The following SNX25 variants were observed in gnomAD, a reference collection of about 807,000 sequenced individuals.
The protein encoded by SNX25 is sorting nexin-25.
Under a neutral mutation model 113.7 loss-of-function variants are expected in SNX25, and 62 were observed. The observed-to-expected ratio is 0.55, with a 90% CI of 0.44 to 0.67. SNX25 has a LOEUF of 0.67. Among genes scored for constraint, SNX25 ranks in the 30% least tolerant of loss-of-function variants. SNX25 has a pLI of 0.00. For synonymous variants in SNX25, 421 were observed against 436.2 expected, an observed-to-expected ratio of 0.97 and a Z score of 0.43; for missense variants, 1,014 against 1,161.0, an observed-to-expected ratio of 0.87 and a Z score of 1.84.
chr4:185,207,959 T>C (rs72706064), upstream of SNX25, among the ~76,000 whole-genome samples: 19,456 of 152,134 alleles, frequency 0.13, 1,312 homozygotes, highest in African/African-American at 0.15. Context: ...TCAAAAAACA[T>C]AGATTTGGTT....
chr4:185,367,194 G>A (rs2095390958), downstream of SNX25: 17 of 1,612,360 alleles, frequency 1.1e-5, no homozygotes, highest in Non-Finnish European at 1.4e-5. Flanking sequence ...ATTCTTTGAC[G>A]AATAAGTAAG....
chr4:185,306,797 C>T (rs1000332702), intron 6 of SNX25, among the ~76,000 whole-genome samples: 1 of 152,206 alleles, frequency 6.6e-6, no homozygotes, highest in African/African-American at 2.4e-5. Context: ...TCCTTAGGTA[C>T]ACTCACAAAA....
intron 5 of SNX25, among the ~76,000 whole-genome samples, chr4:185,286,297 G>T (rs1306841805): frequency 6.6e-6 from 1 of 151,984 alleles, no homozygotes; most frequent in African/African-American, 2.4e-5. Flanking sequence ...TTAATTTTTT[G>T]TAGAGATGAG....
At chr4:185,223,506 T>C (rs1332143784) in intron 1 of SNX25, among the ~76,000 whole-genome samples, 1 of 152,160 alleles carries the variant, frequency 6.6e-6, no homozygotes, top group African/African-American at 2.4e-5. Flanking sequence ...TGGTGTGCTC[T>C]TAGAAGTCAC....
downstream of SNX25, among the ~76,000 whole-genome samples, chr4:185,367,605 G>A (rs942824964): frequency 6.6e-6 from 1 of 152,128 alleles, no homozygotes; most frequent in South Asian, 2.1e-4. Context: ...AACAGCATCT[G>A]TAAAATTTTA....
At chr4:185,243,597 A>G (rs987931630) in intron 1 of SNX25, among the ~76,000 whole-genome samples, 1 of 152,124 alleles carries the variant, frequency 6.6e-6, no homozygotes, top group African/African-American at 2.4e-5. Flanking sequence ...GTGAGACCCT[A>G]TCAAAAAACA....
intron 6 of SNX25, among the ~76,000 whole-genome samples, chr4:185,298,568 A>T (rs921715729): frequency 6.6e-6 from 1 of 152,052 alleles, no homozygotes; most frequent in Non-Finnish European, 1.5e-5. Flanking sequence ...GCTTGACATG[A>T]TCTACAAGGT....
intron 7 of SNX25, among the ~76,000 whole-genome samples, chr4:185,317,779 C>T (rs1452245662): frequency 1.3e-5 from 2 of 151,942 alleles, no homozygotes; most frequent in Non-Finnish European, 2.9e-5. Flanking sequence ...ACACTGGGGC[C>T]TGTCGGGGGG....
chr4:185,221,970 G>T (rs796901118), intron 1 of SNX25, among the ~76,000 whole-genome samples: 3 of 102,856 alleles, frequency 2.9e-5, no homozygotes, highest in African/African-American at 1.0e-4. Context: ...TTCACGGTAG[G>T]AATATAGCGC....
chr4:185,353,167 TAAA>T (rs1002227683), intron 14 of SNX25: 1 of 195,162 alleles, frequency 5.1e-6, no homozygotes, highest in Non-Finnish European at 1.0e-5. Flanking sequence ...GAGTGAAAAA[TAAA>T]AAATAAGTTA....
At chr4:185,285,913 C>T (rs1751279501) in intron 5 of SNX25, among the ~76,000 whole-genome samples, 1 of 151,716 alleles carries the variant, frequency 6.6e-6, no homozygotes, top group South Asian at 2.1e-4. Flanking sequence ...GCTGGTACTA[C>T]AGGTGTGCGC....
intron 5 of SNX25, among the ~76,000 whole-genome samples, chr4:185,273,798 T>G (rs922135408): frequency 2.0e-5 from 3 of 152,190 alleles, no homozygotes; most frequent in Non-Finnish European, 4.4e-5. Flanking sequence ...CACAGTGTCC[T>G]CCAGGTTCAT....
At chr4:185,247,453 C>A (rs1745020322) in intron 2 of SNX25, 75 bp downstream of exon 2, 1 of 1,131,948 alleles carries the variant, frequency 8.8e-7, no homozygotes, top group Non-Finnish European at 1.3e-6. Context: ...TAATAATCTC[C>A]AGCAAATTTA....
chr4:185,274,899 G>T (rs1014987648), intron 5 of SNX25, among the ~76,000 whole-genome samples: 2 of 152,158 alleles, frequency 1.3e-5, no homozygotes, highest in African/African-American at 2.4e-5. Flanking sequence ...ACTGAGGTCG[G>T]CCTGACTTCA....
At chr4:185,283,513 G>T (rs542638215) in intron 5 of SNX25, among the ~76,000 whole-genome samples, 1 of 152,332 alleles carries the variant, frequency 6.6e-6, no homozygotes, top group East Asian at 1.9e-4. Context: ...CAGTATGCAG[G>T]AGGGATATAG....
chr4:185,204,707 G>T (rs563913583), upstream of SNX25, among the ~76,000 whole-genome samples: 3 of 152,310 alleles, frequency 2.0e-5, no homozygotes, highest in Non-Finnish European at 4.4e-5. Flanking sequence ...GAATCACAAA[G>T]GTCCTTATAA....
intron 3 of SNX25, among the ~76,000 whole-genome samples, chr4:185,260,337 C>T (rs1472246080): frequency 6.6e-6 from 1 of 152,070 alleles, no homozygotes; most frequent in Non-Finnish European, 1.5e-5. Flanking sequence ...TTTCAAAGAG[C>T]TCATTTCTAT....
chr4:185,220,561 A>C (rs1041874580), intron 1 of SNX25, among the ~76,000 whole-genome samples: 16 of 148,958 alleles, frequency 1.1e-4, no homozygotes, highest in Non-Finnish European at 2.2e-4. Flanking sequence ...GGCTTACTAC[A>C]ACCTCTGCCT....
At position 185,221,757 on chromosome 4, in the gene SNX25, G is replaced by A. The variant is rs1462461478; in HGVS notation, c.429+11502G>A. 4.0e-5 allele frequency among the ~76,000 whole-genome samples: 6 copies of A among 149,050 alleles called. No individual in the cohort carries two copies. In the East Asian group the frequency reaches 6.0e-4, roughly 15 times the overall value. On this transcript the variant is annotated intron_variant, in intron 1 of 18. Coordinates refer to ENST00000652585, the MANE Select transcript of SNX25 (RefSeq NM_001378034.2). ...CTCCACCCTCAGTCCTCATAGTGCC[G>A]GGCTTTTTCTGTCTGTAGGGACTTT...
Sources: allele counts gnomAD v4.1 joint callset (sites outside exome capture counted in the v4.1 genomes callset), GRCh38; gene constraint gnomAD v4.1.1; transcripts MANE v1.5; gene names NCBI Gene and HGNC (gene_info 2026-07-23, HGNC 2026-07-21).